Variants in CACNA2D3 observed in about 807,000 individuals in gnomAD.
CACNA2D3 encodes voltage-dependent calcium channel subunit alpha-2/delta-3.
Under a neutral mutation model 160.6 loss-of-function variants are expected in CACNA2D3, and 60 were observed. The ratio of observed to expected loss-of-function variants is 0.37; its 90% confidence interval spans 0.30 to 0.46. The LOEUF (loss-of-function observed/expected upper bound fraction) is 0.46, where lower values mean the gene tolerates loss of function less well. Ranked by LOEUF, CACNA2D3 falls within the 20% of genes least tolerant of loss-of-function variation. CACNA2D3 has a pLI of 1.00. For missense variants in CACNA2D3, 1,205 were observed against 1,365.0 expected (o/e 0.88, Z 1.85); for synonymous variants, 558 against 492.9 (o/e 1.13, Z -1.75).
intron 27 of CACNA2D3, among the ~76,000 whole-genome samples, chr3:54,909,034 A>G (rs921269527): frequency 8.5e-5 from 13 of 152,226 alleles, no homozygotes; most frequent in African/African-American, 2.4e-5. Context: ...AATGAAGTAG[A>G]TATTTAAATC....
chr3:54,301,924 A>G (rs184857420), intron 2 of CACNA2D3, among the ~76,000 whole-genome samples: 9 of 152,318 alleles, frequency 5.9e-5, no homozygotes, highest in African/African-American at 9.6e-5. Context: ...GATCTGATGT[A>G]CATTATAGAA....
At chr3:54,383,984 A>T (rs1460860766) in intron 3 of CACNA2D3, among the ~76,000 whole-genome samples, 1 of 151,352 alleles carries the variant, frequency 6.6e-6, no homozygotes, top group Non-Finnish European at 1.5e-5. Context: ...ACATATACAT[A>T]CACACATATG....
At chr3:54,194,605 G>T (rs1701045049) in intron 2 of CACNA2D3, among the ~76,000 whole-genome samples, 1 of 152,120 alleles carries the variant, frequency 6.6e-6, no homozygotes, top group Non-Finnish European at 1.5e-5. Context: ...CCCGAGACTG[G>T]GTAATTTATG....
chr3:54,509,324 GGA>G (rs1701421946), intron 5 of CACNA2D3, among the ~76,000 whole-genome samples: 5 of 151,524 alleles, frequency 3.3e-5, no homozygotes, highest in African/African-American at 1.2e-4. Context: ...TGAGAGAGAG[GGA>G]GAGAGAGCAC....
intron 4 of CACNA2D3, among the ~76,000 whole-genome samples, chr3:54,457,628 A>G (rs889860267): frequency 6.6e-6 from 1 of 151,966 alleles, no homozygotes; most frequent in Non-Finnish European, 1.5e-5. Flanking sequence ...TGTATAGATG[A>G]TCTGTCCAGT....
chr3:54,654,215 G>A (rs2106869568), intron 11 of CACNA2D3, among the ~76,000 whole-genome samples: 1 of 152,114 alleles, frequency 6.6e-6, no homozygotes, highest in East Asian at 1.9e-4. Context: ...GTGATTCGTG[G>A]GCTCCATTTT....
At chr3:54,230,312 C>T (rs1195858338) in intron 2 of CACNA2D3, among the ~76,000 whole-genome samples, 1 of 151,984 alleles carries the variant, frequency 6.6e-6, no homozygotes, top group East Asian at 1.9e-4. Flanking sequence ...ATTTAAGCTT[C>T]CTAAAGATGA....
chr3:54,933,102 TTCCTTCC>T (rs1701242681), intron 27 of CACNA2D3, among the ~76,000 whole-genome samples: 1 of 114,658 alleles, frequency 8.7e-6, no homozygotes, highest in Non-Finnish European at 1.9e-5. Context: ...CCTTCCTTCC[TTCCTTCC>T]TTCCTTCTTT....
intron 4 of CACNA2D3, among the ~76,000 whole-genome samples, chr3:54,421,298 A>G (rs1214779282): frequency 6.6e-6 from 1 of 152,232 alleles, no homozygotes; most frequent in African/African-American, 2.4e-5. Context: ...ATGTGCTTGC[A>G]AAAGAAATGT....
intron 4 of CACNA2D3, among the ~76,000 whole-genome samples, chr3:54,477,208 T>C (rs1013902273): frequency 6.6e-6 from 1 of 152,112 alleles, no homozygotes; most frequent in Non-Finnish European, 1.5e-5. Context: ...GTATCTGGCA[T>C]AGAGTACCTA....
chr3:54,333,621 C>T (rs185692916), intron 3 of CACNA2D3, among the ~76,000 whole-genome samples: 10 of 152,056 alleles, frequency 6.6e-5, no homozygotes, highest in Admixed American at 1.3e-4. Context: ...GTGAAGCCCC[C>T]GGGGCAGCAC....
At chr3:54,294,834 C>T (rs1703303497) in intron 2 of CACNA2D3, among the ~76,000 whole-genome samples, 1 of 152,154 alleles carries the variant, frequency 6.6e-6, no homozygotes, top group Admixed American at 6.5e-5. Context: ...TGGCTCTTGC[C>T]ACTGCTGGTG....
chr3:54,291,057 T>C (rs1423274862), intron 2 of CACNA2D3, among the ~76,000 whole-genome samples: 1 of 152,054 alleles, frequency 6.6e-6, no homozygotes, highest in Non-Finnish European at 1.5e-5. Flanking sequence ...TAAAGTATAA[T>C]AAAATAAAAT....
At chr3:54,123,481 T>TA in intron 1 of CACNA2D3, 32 bp from the exon 2 acceptor site, 1 of 1,520,060 alleles carries the variant, frequency 6.6e-7, no homozygotes, top group Non-Finnish European at 9.1e-7. Flanking sequence ...ACACGGGTGT[T>TA]ACATATCTTC....
intron 16 of CACNA2D3, among the ~76,000 whole-genome samples, chr3:54,845,118 A>C (rs1698905809): frequency 3.3e-5 from 5 of 151,590 alleles, no homozygotes. Flanking sequence ...TTTTATCATT[A>C]GAGTCAAGTA....
intron 2 of CACNA2D3, among the ~76,000 whole-genome samples, chr3:54,125,114 T>A (rs1309449049): frequency 6.6e-6 from 1 of 152,202 alleles, no homozygotes; most frequent in Non-Finnish European, 1.5e-5. Flanking sequence ...CATCTGCACG[T>A]TGTAGTTGTA....
chr3:54,740,247 AG>A (rs1426418894), intron 11 of CACNA2D3, among the ~76,000 whole-genome samples: 2 of 152,174 alleles, frequency 1.3e-5, no homozygotes, highest in Non-Finnish European at 2.9e-5. Context: ...TGAGAGATTA[AG>A]ACACAATGAT....
intron 27 of CACNA2D3, among the ~76,000 whole-genome samples, chr3:54,954,340 G>A (rs1476208396): frequency 6.6e-6 from 1 of 152,188 alleles, no homozygotes; most frequent in East Asian, 1.9e-4. Context: ...CCTCTGGGAG[G>A]CTGTCTCCTT....
intron 11 of CACNA2D3, among the ~76,000 whole-genome samples, chr3:54,717,554 T>TGTGTGTGGTGTGCATGTGTG (rs1553801418): frequency 3.3e-5 from 1 of 30,130 alleles, no homozygotes; most frequent in Non-Finnish European, 1.1e-4. Flanking sequence ...ATGTGTGGTG[T>TGTGTGTGGTGTGCATGTGTG]GTGTGTGTGT....
Sources: allele counts gnomAD v4.1 joint callset (sites outside exome capture counted in the v4.1 genomes callset), GRCh38; gene constraint gnomAD v4.1.1; transcripts MANE v1.5; gene names NCBI Gene and HGNC (gene_info 2026-07-23, HGNC 2026-07-21).